TRRAP: variants seen among roughly 807,000 people sequenced by gnomAD.
TRRAP encodes the protein transformation/transcription domain associated protein.
Under a neutral mutation model 438.8 loss-of-function variants are expected in TRRAP, and 41 were observed. The ratio of observed to expected loss-of-function variants is 0.09; its 90% CI spans 0.07 to 0.12. TRRAP has a LOEUF of 0.12. Ranked by LOEUF, TRRAP falls within the 10% of genes least tolerant of loss-of-function variation. TRRAP has a pLI of 1.00. For synonymous variants in TRRAP, 1,994 were observed against 1,962.9 expected, an observed-to-expected ratio of 1.02 and a Z score of -0.42; for missense variants, 3,122 against 5,055.1, an observed-to-expected ratio of 0.62 and a Z score of 11.60.
At chr7:98,890,469 A>G in intron 4 of TRRAP, 24 bp downstream of exon 4, 1 of 1,518,652 alleles carries the variant, frequency 6.6e-7, no homozygotes, top group Non-Finnish European at 8.9e-7. Context: ...ATAACATGAG[A>G]AGACAAGGGT....
chr7:98,891,969 A>G (rs1796001752), intron 4 of TRRAP, among the ~76,000 whole-genome samples: 1 of 152,230 alleles, frequency 6.6e-6, no homozygotes, highest in Admixed American at 6.5e-5. Flanking sequence ...AGCTCCACAG[A>G]CAGAATCACA....
intron 23 of TRRAP, 70 bp downstream of exon 23, chr7:98,927,436 C>G: frequency 6.5e-7 from 1 of 1,541,196 alleles, no homozygotes; most frequent in South Asian, 1.2e-5. Context: ...AAAACTTGCT[C>G]AGGACATTTT....
At chr7:98,978,442 A>C in intron 57 of TRRAP, 119 bp downstream of exon 57, 1 of 923,678 alleles carries the variant, frequency 1.1e-6, no homozygotes, top group Non-Finnish European at 1.7e-6. Flanking sequence ...TTATGGCCAC[A>C]TAAAGAACAA....
In TRRAP at chr7:98,961,275, A is replaced by C. The variant is rs1461632580; in HGVS notation, c.6504A>C (p.Gln2168His). The change falls in exon 46 of 73, where the codon CAA becomes CAC. Residue 2168 changes from glutamine (Q) to histidine (H), a missense_variant. Physicochemically the swap from Gln to His is conservative, Grantham distance 24. Around this residue, in one of 24 missense-constraint regions of TRRAP, gnomAD observed 992 missense variants for 1,281.2 expected, o/e 0.77. Coordinates refer to ENST00000456197, the MANE Select transcript of TRRAP (RefSeq NM_001375524.1). ...GTCCATTGCAGGAGCAGCCAAACCA[A>C]GTGAACTATGGGAATATCTGCACGG... is the stretch of plus-strand genomic sequence containing the variant. ...KLLMTVEQPN[Q>H]VNYGNICTGL... 1.9e-6 allele frequency: 3 copies of C among 1,614,152 alleles called. No individual in the cohort carries two copies. In the South Asian group the frequency reaches 3.3e-5, roughly 18 times the overall value.
chr7:98,890,164 G>A (rs1162004243), intron 3 of TRRAP, among the ~76,000 whole-genome samples, 171 bp from the exon 4 acceptor site: 1 of 152,146 alleles, frequency 6.6e-6, no homozygotes, highest in Non-Finnish European at 1.5e-5. Flanking sequence ...TTGGATTTCA[G>A]AAATACAATC....
intron 27 of TRRAP, among the ~76,000 whole-genome samples, chr7:98,935,252 C>G (rs1584331222): frequency 1.3e-5 from 2 of 151,836 alleles, no homozygotes; most frequent in East Asian, 1.9e-4. Flanking sequence ...GCCCTGCCAT[C>G]ATGGGATTTG....
chr7:98,922,907 G>C (rs1397248564), intron 21 of TRRAP, among the ~76,000 whole-genome samples: 1 of 152,110 alleles, frequency 6.6e-6, no homozygotes, highest in African/African-American at 2.4e-5. Context: ...CCATGTAGTG[G>C]CTTCTGTGTC....
chr7:98,882,958 C>T (rs987880453), intron 3 of TRRAP, among the ~76,000 whole-genome samples: 2 of 152,174 alleles, frequency 1.3e-5, no homozygotes, highest in Admixed American at 6.5e-5. Context: ...TGTGCCCGGC[C>T]GAGATGCACT....
intron 67 of TRRAP, among the ~76,000 whole-genome samples, chr7:99,000,120 G>A (rs1244324765): frequency 1.3e-5 from 2 of 152,076 alleles, no homozygotes; most frequent in African/African-American, 2.4e-5. Flanking sequence ...TGATTCTCCC[G>A]CCTCAGCCTC....
intron 21 of TRRAP, 34 bp downstream of exon 21, chr7:98,921,987 C>T: frequency 1.9e-6 from 3 of 1,613,348 alleles, no homozygotes; most frequent in Non-Finnish European, 1.7e-6. Context: ...TCGTTTTAAG[C>T]CTTGTGAAGA....
chr7:98,964,488 C>A, intron 47 of TRRAP, 141 bp from the exon 48 acceptor site: 1 of 869,888 alleles, frequency 1.1e-6, no homozygotes. Flanking sequence ...GTAGCGTGAG[C>A]CATGTAAAAG....
chr7:98,898,386 T>C (rs552012930), intron 8 of TRRAP, among the ~76,000 whole-genome samples: 1 of 152,352 alleles, frequency 6.6e-6, no homozygotes, highest in African/African-American at 2.4e-5. Flanking sequence ...CCGCAGGTAA[T>C]GTATCGTATA....
intron 20 of TRRAP, among the ~76,000 whole-genome samples, chr7:98,918,449 C>CA (rs1359050864): frequency 1.3e-5 from 2 of 151,584 alleles, no homozygotes; most frequent in African/African-American, 4.8e-5. Context: ...AGGCTGGTCT[C>CA]AAACTCCTGA....
intron 30 of TRRAP, among the ~76,000 whole-genome samples, chr7:98,940,890 TC>T (rs1790767296): frequency 6.6e-6 from 1 of 152,212 alleles, no homozygotes; most frequent in Non-Finnish European, 1.5e-5. Flanking sequence ...GCTCTTGTTT[TC>T]CCTCATAAGC....
intron 3 of TRRAP, among the ~76,000 whole-genome samples, chr7:98,887,970 G>A (rs900039099): frequency 6.6e-6 from 1 of 152,024 alleles, no homozygotes; most frequent in African/African-American, 2.4e-5. Context: ...GGTGGCTCCC[G>A]CCTGTAATCC....
chr7:98,984,192 G>C lies in TRRAP; in HGVS notation c.9122G>C (p.Gly3041Ala). ...TCAGCTTCAGCGATCATCCAGTATG[G>C]AAAAATCGCCCGGAAACAAGGACTG... ...HASASAIIQY[G>A]KIARKQGLVN... is the part of the protein sequence containing the mutation. The change falls in exon 61 of 73, where the codon GGA becomes GCA. Residue 3041 changes from glycine (G) to alanine (A), a missense_variant. Gly to Ala is a moderately conservative substitution (Grantham distance 60). Coordinates refer to ENST00000456197, the MANE Select transcript of TRRAP (RefSeq NM_001375524.1). 6.2e-7 allele frequency: 1 copy of C among 1,614,086 alleles called. No homozygotes were observed. The highest frequency in any genetic ancestry group is 1.7e-5 in the Admixed American group (1 of 60,002).
In TRRAP at chr7:98,977,108, T is replaced by C. The variant is rs200865464; in HGVS notation, c.8385+32T>C. On this transcript the variant is annotated intron_variant, in intron 56 of 72. Coordinates refer to ENST00000456197, the MANE Select transcript of TRRAP (RefSeq NM_001375524.1). The stretch of plus-strand genomic sequence containing the variant: ...CTCAGACCACTGACGGTCTTGGGTG[T>C]GTAATGAGAGGTCATTTATAACGGT... 23 of 1,612,566 alleles carry C rather than the reference T, an allele frequency of 1.4e-5. No individual in the cohort carries two copies. In the African/African-American group the frequency reaches 2.9e-4, roughly 21 times the overall value.
Position 98,948,622 on chromosome 7 carries a change from G to A in TRRAP, c.4725G>A (p.Gln1575=). Residue 1575 remains glutamine (Q), a synonymous_variant, in exon 35 of 73, where the codon CAG becomes CAA. Transcript: ENST00000456197. This position sits in a 1 kb window ranked among gnomAD's most constrained non-coding sequence, Gnocchi z 4.9. ...AGTTCCTGACTCGACATCCCTCGCA[G>A]ACAGTGGAGCTGTTCATGATGGAAG... The part of the protein sequence containing the change: ...LIKFLTRHPS[Q]TVELFMMEAT... The A allele has an allele frequency of 6.2e-7, 1 of 1,614,196 alleles. No homozygotes were observed. The highest frequency in any genetic ancestry group is 1.3e-5 in the African/African-American group (1 of 75,048).
Position 99,011,482 on chromosome 7 carries a change from T to C in TRRAP, c.11284T>C (p.Leu3762=). Residue 3762 remains leucine, a synonymous_variant, in exon 72 of 73, where the codon TTG becomes CTG. Coordinates refer to ENST00000456197, the MANE Select transcript of TRRAP (RefSeq NM_001375524.1). The surrounding 1 kb of genome is among the most constrained non-coding windows in gnomAD (Gnocchi z 7.1). The part of the protein sequence containing the change: ...FLTTIGVSGP[L]TASMIAVARC... ...GACCACCATCGGGGTCTCCGGCCCG[T>C]TGACAGCGTCCATGATTGCGGTCGC... 6.2e-7 allele frequency: 1 copy of C among 1,614,280 alleles called. No homozygotes were observed. The highest frequency in any genetic ancestry group is 1.1e-5 in the South Asian group (1 of 91,090).
Sources: allele counts gnomAD v4.1 joint callset (sites outside exome capture counted in the v4.1 genomes callset), GRCh38; gene constraint gnomAD v4.1.1; regional missense constraint gnomAD v4.1.1; non-coding constraint Gnocchi (gnomAD v3.1); transcripts MANE v1.5; gene names NCBI Gene and HGNC (gene_info 2026-07-23, HGNC 2026-07-21).